ZNF385D: variants seen among roughly 807,000 people sequenced by gnomAD.
ZNF385D encodes zinc finger protein 385D.
ZNF385D carries 15 observed loss-of-function variants against 35.8 expected under a neutral mutation model. The ratio of observed to expected loss-of-function variants is 0.42; its 90% CI spans 0.28 to 0.64. ZNF385D has a LOEUF of 0.64. Among genes scored for constraint, ZNF385D ranks in the 30% least tolerant of loss-of-function variants. ZNF385D has a pLI of 0.23. For synonymous variants in ZNF385D, 212 were observed against 186.8 expected (o/e 1.13, Z -1.10); for missense variants, 474 against 494.6 (o/e 0.96, Z 0.39).
intron 2 of ZNF385D, among the ~76,000 whole-genome samples, chr3:22,267,194 G>C (rs1245390867): frequency 4.0e-5 from 6 of 151,896 alleles, no homozygotes. Context: ...AAGAGTATTT[G>C]AGAAGTAGCT....
chr3:21,720,998 C>G (rs2068516955), intron 1 of ZNF385D, among the ~76,000 whole-genome samples: 1 of 152,098 alleles, frequency 6.6e-6, no homozygotes. Flanking sequence ...ACACGCTTTG[C>G]TTAGAATTTC....
chr3:21,871,869 C>A (rs1008870839), intron 3 of ZNF385D, among the ~76,000 whole-genome samples: 2 of 151,782 alleles, frequency 1.3e-5, no homozygotes, highest in Non-Finnish European at 2.9e-5. Flanking sequence ...AGCCGACAGG[C>A]GCCTGTAATC....
At chr3:21,658,911 A>G (rs957937171) in intron 2 of ZNF385D, among the ~76,000 whole-genome samples, 2 of 152,042 alleles carry the variant, frequency 1.3e-5, no homozygotes, top group Non-Finnish European at 2.9e-5. Context: ...AGTGTAGAGT[A>G]CACTGTTTAG....
At chr3:22,305,546 A>G (rs1703158783) in intron 2 of ZNF385D, among the ~76,000 whole-genome samples, 1 of 152,170 alleles carries the variant, frequency 6.6e-6, no homozygotes, top group African/African-American at 2.4e-5. Flanking sequence ...AGGCTGATGC[A>G]GCCTCTACCT....
At chr3:21,718,615 A>C (rs1235692002) in intron 1 of ZNF385D, among the ~76,000 whole-genome samples, 1 of 151,996 alleles carries the variant, frequency 6.6e-6, no homozygotes, top group Non-Finnish European at 1.5e-5. Flanking sequence ...GTATTAATTA[A>C]ATAATAACTA....
chr3:22,278,510 A>G (rs982732631), intron 2 of ZNF385D, among the ~76,000 whole-genome samples: 1 of 152,096 alleles, frequency 6.6e-6, no homozygotes, highest in African/African-American at 2.4e-5. Flanking sequence ...TGACTTTCCG[A>G]TAACTAAAGT....
At chr3:22,086,588 T>G (rs529347581) in intron 3 of ZNF385D, among the ~76,000 whole-genome samples, 14 of 152,190 alleles carry the variant, frequency 9.2e-5, no homozygotes, top group African/African-American at 3.4e-4. Flanking sequence ...TGCTCATAGA[T>G]AGGAAGAATC....
chr3:22,188,633 G>A (rs972402549), intron 2 of ZNF385D, among the ~76,000 whole-genome samples: 4 of 151,926 alleles, frequency 2.6e-5, no homozygotes, highest in African/African-American at 4.8e-5. Context: ...GTATTTTTTA[G>A]AAGAGATGGG....
chr3:22,073,268 C>G (rs1352212926), intron 3 of ZNF385D, among the ~76,000 whole-genome samples: 1 of 149,538 alleles, frequency 6.7e-6, no homozygotes. Flanking sequence ...TGGATTCCTG[C>G]TTTTTATTTT....
chr3:21,418,243 C>T lies in ZNF385D; in HGVS notation c.*2971G>A, dbSNP rs1173663385. 3.3e-5 allele frequency: 5 copies of T among 152,120 alleles called. No individual in the cohort carries two copies. Among genetic ancestry groups the T allele is most frequent in the Admixed American group, 2.6e-4 (4 of 15,266 alleles). 9.4% of individuals were successfully genotyped at this position (152,120 alleles called of 1,614,324 possible). On this transcript the variant is annotated 3_prime_UTR_variant, in exon 8 of 8. Coordinates refer to ENST00000281523, the MANE Select transcript of ZNF385D (RefSeq NM_024697.3). ...ATGTAAAACCATAAAGTCAGACCAC[C>T]CTCAGGGATTTTCACAGCACACTGC...
rs563351853 is a variant in ZNF385D, at chr3:21,694,938, C to T, written c.23-29910G>A. Among the ~76,000 whole-genome samples, 4 of 152,258 alleles carry T rather than the reference C, an allele frequency of 2.6e-5. No homozygotes were observed. In the South Asian group the frequency reaches 8.3e-4, roughly 32 times the overall value. On this transcript the variant is annotated intron_variant, in intron 1 of 7. Coordinates refer to ENST00000281523, the MANE Select transcript of ZNF385D (RefSeq NM_024697.3). Reference sequence around the variant, plus strand: ...AGCAGAGAGGAAGGGAAGAAGGAAGCATGCATCAGCTTGGCTTTTAAAGTG... The same window carrying T: ...AGCAGAGAGGAAGGGAAGAAGGAAGTATGCATCAGCTTGGCTTTTAAAGTG...
upstream of ZNF385D, among the ~76,000 whole-genome samples, chr3:21,753,774 T>C (rs1021027608): frequency 1.8e-5 from 2 of 109,062 alleles, no homozygotes; most frequent in Non-Finnish European, 3.7e-5. Context: ...GTGGTTGTTG[T>C]TGTTGTTGTT....
Position 21,664,984 on chromosome 3 carries a change from G to A in ZNF385D, c.67C>T (p.Pro23Ser). 8 of 1,613,524 alleles carry A rather than the reference G, an allele frequency of 5.0e-6. No homozygotes were observed. The highest frequency in any genetic ancestry group is 1.7e-5 in the Admixed American group (1 of 59,974). The stretch of plus-strand genomic sequence containing the variant: ...AGCGATGGTTGCAAAGGAGGGGCTG[G>A]TGGACGGACAAGGGCCGGGAGAGCA... ...SPALPALVRP[P>S]APPLQPSLDI... Residue 23 changes from proline (P) to serine (S), a missense_variant, in exon 2 of 8, where the codon CCA (proline) becomes TCA (serine). By Grantham distance (74) the Pro-to-Ser change is moderately conservative (BLOSUM62 -1). Coordinates refer to ENST00000281523, the MANE Select transcript of ZNF385D (RefSeq NM_024697.3).
chr3:21,912,256 A>G (rs1441438493), intron 3 of ZNF385D, among the ~76,000 whole-genome samples: 1 of 151,982 alleles, frequency 6.6e-6, no homozygotes, highest in East Asian at 1.9e-4. Context: ...AAGGCACAAT[A>G]TTTAAGACAA....
intron 3 of ZNF385D, among the ~76,000 whole-genome samples, chr3:21,999,228 A>G (rs1033702406): frequency 6.6e-6 from 1 of 152,180 alleles, no homozygotes; most frequent in Non-Finnish European, 1.5e-5. Flanking sequence ...AATAGCAAGG[A>G]TATTTCCTCA....
intron 3 of ZNF385D, among the ~76,000 whole-genome samples, chr3:21,952,688 T>C (rs1702117504): frequency 6.6e-6 from 1 of 151,994 alleles, no homozygotes. Context: ...GTCACTTAAA[T>C]ATATTTATTT....
At chr3:21,494,592 G>T (rs1007013157) in intron 4 of ZNF385D, among the ~76,000 whole-genome samples, 7 of 152,066 alleles carry the variant, frequency 4.6e-5, no homozygotes, top group African/African-American at 1.7e-4. Context: ...ACTTCTTACG[G>T]ATTTTTTATC....
At chr3:21,685,093 G>T (rs902905423) in intron 1 of ZNF385D, among the ~76,000 whole-genome samples, 5 of 152,084 alleles carry the variant, frequency 3.3e-5, no homozygotes, top group African/African-American at 1.2e-4. Flanking sequence ...CGTTTTTAAC[G>T]CTAAGAAAAA....
At chr3:22,014,695 TAAAG>T (rs138047492) in intron 3 of ZNF385D, among the ~76,000 whole-genome samples, 7,700 of 151,758 alleles carry the variant, frequency 0.051, 272 homozygotes, top group East Asian at 0.18. Flanking sequence ...GAAAGAAAAA[TAAAG>T]ACTTGATATA....
Sources: gnomAD v4.1 joint callset for allele counts (sites outside exome capture counted in the v4.1 genomes callset) on GRCh38, gnomAD v4.1.1 for gene constraint, MANE v1.5 for transcripts, NCBI Gene and HGNC (gene_info 2026-07-23, HGNC 2026-07-21) for gene names.